ANTXR1: variants seen among roughly 807,000 people sequenced by gnomAD.
ANTXR1 encodes the protein ANTXR cell adhesion molecule 1, also known as anthrax toxin receptor 1.
ANTXR1 carries 19 observed loss-of-function variants against 78.1 expected under a neutral mutation model. The ratio of observed to expected loss-of-function variants is 0.24; its 90% CI spans 0.17 to 0.36. The LOEUF is 0.36. Ranked by LOEUF, ANTXR1 falls within the 10% of genes least tolerant of loss-of-function variation. ANTXR1 has a pLI of 1.00. For synonymous variants in ANTXR1, 273 were observed against 260.5 expected (o/e 1.05, Z -0.46); for missense variants, 518 against 718.6 (o/e 0.72, Z 3.19).
intron 13 of ANTXR1, among the ~76,000 whole-genome samples, chr2:69,159,978 A>G (rs368703781): frequency 6.6e-6 from 1 of 152,258 alleles, no homozygotes; most frequent in Non-Finnish European, 1.5e-5. Flanking sequence ...TTGTAGGGCC[A>G]GACAACCCAA....
chr2:69,216,431 A>G (rs75365804), intron 17 of ANTXR1, among the ~76,000 whole-genome samples: 7,933 of 150,860 alleles, frequency 0.053, 532 homozygotes, highest in African/African-American at 0.16. Context: ...ACATACATAT[A>G]CACACATACA....
chr2:69,131,089 G>A (rs976451911), intron 12 of ANTXR1, among the ~76,000 whole-genome samples: 4 of 151,110 alleles, frequency 2.6e-5, no homozygotes, highest in Non-Finnish European at 5.9e-5. Flanking sequence ...AATTTCTGTT[G>A]CCACAAAAAA....
intron 3 of ANTXR1, among the ~76,000 whole-genome samples, chr2:69,052,280 A>G (rs1573814575): frequency 6.6e-6 from 1 of 152,026 alleles, no homozygotes; most frequent in African/African-American, 2.4e-5. Context: ...TCAGTTTGCT[A>G]AGTCTTTTTT....
chr2:69,041,466 T>A (rs1669615481), intron 2 of ANTXR1, among the ~76,000 whole-genome samples: 1 of 152,218 alleles, frequency 6.6e-6, no homozygotes, highest in Non-Finnish European at 1.5e-5. Context: ...GCTCTGTGTC[T>A]CATTTGCTCT....
In ANTXR1 at chr2:69,151,186, C is replaced by CTTTTTTTTTTTTTTTTTT. The variant is rs59147668; in HGVS notation, c.952-977_952-960dup. Among the ~76,000 whole-genome samples, 4 of 82,562 alleles carry CTTTTTTTTTTTTTTTTTT rather than the reference C, an allele frequency of 4.8e-5. 1 individual carries two copies. The highest frequency in any genetic ancestry group is 9.7e-5 in the African/African-American group (2 of 20,596). The allele number at this position is 82,562 out of a possible 152,430, so 54.2% of individuals were successfully genotyped here. ...CTGTACAAACATATCTGATTATTTT[C>CTTTTTTTTTTTTTTTTTT]TTTTTTTTTTTTTTTTTTTTTTTGA... is the stretch of plus-strand genomic sequence containing the variant. On this transcript the variant is annotated intron_variant, in intron 12 of 17. Transcript: ENST00000303714.
At chr2:69,126,785 C>T (rs1162022265) in intron 12 of ANTXR1, among the ~76,000 whole-genome samples, 1 of 152,198 alleles carries the variant, frequency 6.6e-6, no homozygotes, top group African/African-American at 2.4e-5. Context: ...CCCATTGAGT[C>T]CCACTACACC....
intron 3 of ANTXR1, among the ~76,000 whole-genome samples, chr2:69,068,775 C>A (rs907463310): frequency 5.9e-5 from 9 of 152,256 alleles, no homozygotes; most frequent in African/African-American, 1.9e-4. Flanking sequence ...GAAAAGGGGG[C>A]AAGAGGCCAT....
chr2:69,023,580 G>A (rs1292904069), intron 1 of ANTXR1, among the ~76,000 whole-genome samples: 1 of 152,092 alleles, frequency 6.6e-6, no homozygotes, highest in Non-Finnish European at 1.5e-5. Context: ...TGCAGAAACA[G>A]AATATGGTCC....
chr2:69,195,166 C>CA (rs1444339115), intron 17 of ANTXR1, among the ~76,000 whole-genome samples: 17 of 132,042 alleles, frequency 1.3e-4, no homozygotes, highest in African/African-American at 3.0e-4. Flanking sequence ...GACTCTGTCT[C>CA]AAAAAAAAAG....
chr2:69,023,494 A>ATGGTGG (rs1214196119), intron 1 of ANTXR1, among the ~76,000 whole-genome samples: 1 of 130,668 alleles, frequency 7.7e-6, no homozygotes, highest in Non-Finnish European at 1.5e-5. Context: ...TGATGGTGAT[A>ATGGTGG]TGGTGGTGGT....
chr2:69,088,725 G>A (rs1021594047), intron 8 of ANTXR1, among the ~76,000 whole-genome samples: 11 of 152,270 alleles, frequency 7.2e-5, no homozygotes, highest in Middle Eastern at 3.4e-3. Context: ...GTCCTAATAC[G>A]GTGCTATATG....
intron 3 of ANTXR1, among the ~76,000 whole-genome samples, chr2:69,053,166 G>C (rs949965101): frequency 1.3e-5 from 2 of 152,146 alleles, no homozygotes; most frequent in Non-Finnish European, 2.9e-5. Context: ...TCTGAGTATA[G>C]TGACTTAAAA....
At chr2:69,027,325 A>C (rs1671374791) in intron 1 of ANTXR1, among the ~76,000 whole-genome samples, 1 of 152,174 alleles carries the variant, frequency 6.6e-6, no homozygotes, top group African/African-American at 2.4e-5. Context: ...GTGTTTAATT[A>C]TGTGGATGTA....
intron 12 of ANTXR1, chr2:69,145,538 C>T: frequency 7.0e-7 from 1 of 1,423,738 alleles, no homozygotes; most frequent in Non-Finnish European, 9.2e-7. Flanking sequence ...AAAGAAACAT[C>T]AGGAGGGACA....
rs1168605470 is a variant in ANTXR1 at position 69,139,022 on chromosome 2, T to C, written c.952-13147T>C. The stretch of plus-strand genomic sequence containing the variant: ...ATGCTCCTTATGATGGAGCTTGACC[T>C]GGCAGCCCCAGTTAGCTCCTACCTA... On this transcript the variant is annotated intron_variant, in intron 12 of 17. Coordinates refer to ENST00000303714, the MANE Select transcript of ANTXR1 (RefSeq NM_032208.3). 2.0e-5 allele frequency among the ~76,000 whole-genome samples: 3 copies of C among 152,370 alleles called. No homozygotes were observed. In the East Asian group the frequency reaches 5.8e-4, roughly 29 times the overall value.
intron 2 of ANTXR1, among the ~76,000 whole-genome samples, chr2:69,040,609 TATC>T: frequency 6.6e-6 from 1 of 152,324 alleles, no homozygotes; most frequent in East Asian, 1.9e-4. Context: ...TGTGTACTAT[TATC>T]AGGTAGAATC....
intron 10 of ANTXR1, among the ~76,000 whole-genome samples, chr2:69,118,321 T>C (rs1160185418): frequency 1.4e-5 from 2 of 140,264 alleles, no homozygotes; most frequent in Non-Finnish European, 3.1e-5. Flanking sequence ...GTGGGGTGGG[T>C]GAGGGGGACA....
intron 17 of ANTXR1, among the ~76,000 whole-genome samples, chr2:69,216,423 A>T (rs1480802938): frequency 1.3e-5 from 2 of 152,024 alleles, no homozygotes; most frequent in East Asian, 3.9e-4. Flanking sequence ...ATGCATATAC[A>T]TACATATACA....
intron 17 of ANTXR1, among the ~76,000 whole-genome samples, chr2:69,230,226 A>G (rs1282606393): frequency 6.6e-6 from 1 of 152,060 alleles, no homozygotes; most frequent in East Asian, 1.9e-4. Flanking sequence ...AAAACATGCC[A>G]TGATTTTATA....
Sources: allele counts gnomAD v4.1 joint callset (sites outside exome capture counted in the v4.1 genomes callset), GRCh38; gene constraint gnomAD v4.1.1; transcripts MANE v1.5; gene names NCBI Gene and HGNC (gene_info 2026-07-23, HGNC 2026-07-21).